PLEKHG1: variants seen among roughly 807,000 people sequenced by gnomAD.
PLEKHG1 encodes the protein pleckstrin homology domain-containing family G member 1.
A neutral mutation model predicts 100.8 loss-of-function variants in PLEKHG1; 44 were observed. The ratio of observed to expected loss-of-function variants is 0.44; its 90% CI spans 0.34 to 0.56. The LOEUF (loss-of-function observed/expected upper bound fraction) is 0.56, where lower values mean the gene tolerates loss of function less well. PLEKHG1 is among the 20% of genes least tolerant of loss of function. The pLI, the probability that PLEKHG1 is intolerant of heterozygous loss-of-function variation, is 0.01. For synonymous variants in PLEKHG1, 640 were observed against 662.5 expected (o/e 0.97, Z 0.52); for missense variants, 1,545 against 1,720.9 (o/e 0.90, Z 1.81).
intron 3 of PLEKHG1, among the ~76,000 whole-genome samples, chr6:150,652,584 G>A (rs1274297344): frequency 6.6e-6 from 1 of 152,056 alleles, no homozygotes; most frequent in Non-Finnish European, 1.5e-5. Flanking sequence ...GCTGGGCGTG[G>A]TGGCTCATGC....
chr6:150,771,714 A>G (rs1784722950), intron 3 of PLEKHG1, among the ~76,000 whole-genome samples: 1 of 152,016 alleles, frequency 6.6e-6, no homozygotes, highest in Non-Finnish European at 1.5e-5. Context: ...GGCTTGAAAT[A>G]ATAACTTTCA....
intron 3 of PLEKHG1, among the ~76,000 whole-genome samples, chr6:150,773,719 G>T (rs1261262623): frequency 4.6e-5 from 7 of 150,964 alleles, no homozygotes; most frequent in Admixed American, 4.6e-4. Context: ...TTTTTAATTT[G>T]TCATTTCTTT....
chr6:150,811,349 A>G (rs1220389969), intron 10 of PLEKHG1, among the ~76,000 whole-genome samples: 1 of 151,638 alleles, frequency 6.6e-6, no homozygotes, highest in Non-Finnish European at 1.5e-5. Context: ...GGCTCACTGC[A>G]GCCTTGACCT....
intron 3 of PLEKHG1, among the ~76,000 whole-genome samples, chr6:150,778,461 A>G (rs1454997412): frequency 1.3e-5 from 2 of 152,062 alleles, no homozygotes; most frequent in African/African-American, 4.8e-5. Context: ...TTCTCTTCCA[A>G]GACTTCCTGC....
chr6:150,771,779 G>T (rs1784725798), intron 3 of PLEKHG1, among the ~76,000 whole-genome samples: 1 of 152,038 alleles, frequency 6.6e-6, no homozygotes, highest in Non-Finnish European at 1.5e-5. Context: ...GGCCAACTAG[G>T]CAAGACTTAA....
At chr6:150,716,382 C>T (rs77852719), upstream of PLEKHG1, among the ~76,000 whole-genome samples, 1,335 of 152,314 alleles carry the variant, frequency 8.8e-3, 19 homozygotes, top group East Asian at 0.046. Flanking sequence ...CTTCTAGCAC[C>T]TTTGCATATG....
intron 3 of PLEKHG1, among the ~76,000 whole-genome samples, chr6:150,774,454 T>C (rs759968235): frequency 6.6e-6 from 1 of 152,066 alleles, no homozygotes; most frequent in Non-Finnish European, 1.5e-5. Context: ...GGACCTGATT[T>C]GAATCATATG....
intron 2 of PLEKHG1, among the ~76,000 whole-genome samples, chr6:150,762,652 C>CT (rs1254624602): frequency 6.6e-6 from 1 of 152,142 alleles, no homozygotes; most frequent in East Asian, 1.9e-4. Flanking sequence ...AGGGAAAACT[C>CT]TATCTCCATA....
intron 14 of PLEKHG1, among the ~76,000 whole-genome samples, chr6:150,829,095 A>G (rs1218455888): frequency 6.6e-6 from 1 of 152,088 alleles, no homozygotes; most frequent in Non-Finnish European, 1.5e-5. Context: ...TTTCATTGAC[A>G]TGTGATGAAA....
intron 2 of PLEKHG1, among the ~76,000 whole-genome samples, chr6:150,749,783 C>A: frequency 6.6e-6 from 1 of 152,182 alleles, no homozygotes; most frequent in East Asian, 1.9e-4. Context: ...TAAGAAAATG[C>A]ACCCAAAGGG....
chr6:150,682,463 G>A (rs1245596457), intron 3 of PLEKHG1, among the ~76,000 whole-genome samples: 1 of 151,952 alleles, frequency 6.6e-6, no homozygotes, highest in Non-Finnish European at 1.5e-5. Flanking sequence ...AGACATGGAG[G>A]CTTGGGGAAA....
chr6:150,833,842 G>T (rs954695223), intron 15 of PLEKHG1, among the ~76,000 whole-genome samples: 15 of 152,274 alleles, frequency 9.9e-5, no homozygotes, highest in African/African-American at 3.4e-4. Flanking sequence ...TATCAGGACA[G>T]GCTCTGATCA....
At chr6:150,686,670 C>T (rs1780142349) in intron 3 of PLEKHG1, 1 of 152,174 alleles carries the variant, frequency 6.6e-6, no homozygotes, top group Non-Finnish European at 1.5e-5. Flanking sequence ...TCTCACCTCC[C>T]AAGCTTTCTT....
intron 4 of PLEKHG1, among the ~76,000 whole-genome samples, chr6:150,795,557 G>A (rs56685707): frequency 0.036 from 5,432 of 150,972 alleles, 115 homozygotes; most frequent in South Asian, 0.076. Flanking sequence ...CATTGTGAAA[G>A]ACATTGAAAT....
chr6:150,811,615 C>G (rs1298630878), intron 10 of PLEKHG1, among the ~76,000 whole-genome samples: 4 of 149,126 alleles, frequency 2.7e-5, no homozygotes, highest in African/African-American at 9.9e-5. Context: ...ATTAAGGAAA[C>G]CAGACCTAGA....
intron 1 of PLEKHG1, among the ~76,000 whole-genome samples, chr6:150,622,056 CGA>C (rs1777322422): frequency 6.6e-6 from 1 of 152,114 alleles, no homozygotes; most frequent in South Asian, 2.1e-4. Flanking sequence ...TTTCCTCCTC[CGA>C]GAGCTCTGTC....
intron 3 of PLEKHG1, among the ~76,000 whole-genome samples, chr6:150,771,151 A>G (rs117280320): frequency 0.064 from 9,735 of 152,170 alleles, 409 homozygotes; most frequent in Admixed American, 0.11. Flanking sequence ...GGTAGCTTAC[A>G]CCTGTAATCC....
intron 15 of PLEKHG1, 57 bp from the exon 17 acceptor site, chr6:150,839,776 T>G (rs1777416964): frequency 4.7e-6 from 5 of 1,059,346 alleles, no homozygotes; most frequent in Non-Finnish European, 7.1e-6. Context: ...TTATTTTTAA[T>G]CTTCACGTAT....
chr6:150,725,124 C>T (rs893444787), intron 1 of PLEKHG1, among the ~76,000 whole-genome samples: 21 of 152,148 alleles, frequency 1.4e-4, no homozygotes, highest in African/African-American at 5.1e-4. Flanking sequence ...GATCAAGGCG[C>T]CAACAGATTG....
Sources: gnomAD v4.1 joint callset for allele counts (sites outside exome capture counted in the v4.1 genomes callset) on GRCh38, gnomAD v4.1.1 for gene constraint, MANE v1.5 for transcripts, NCBI Gene and HGNC (gene_info 2026-07-23, HGNC 2026-07-21) for gene names.